NEDD4: variants seen among roughly 807,000 people sequenced by gnomAD.
The protein encoded by NEDD4 is E3 ubiquitin-protein ligase NEDD4.
A neutral mutation model predicts 144.9 loss-of-function variants in NEDD4; 99 were observed. The observed-to-expected ratio is 0.68, with a 90% CI of 0.58 to 0.81. The LOEUF (loss-of-function observed/expected upper bound fraction) is 0.81. NEDD4 is among the 30% of genes least tolerant of loss of function. The probability of loss-of-function intolerance (pLI) is 0.00; values close to 1 mark genes in which losing one functional copy is unlikely to be tolerated. For synonymous variants in NEDD4, 318 were observed against 350.6 expected (o/e 0.91, Z 1.04); for missense variants, 985 against 1,065.9 (o/e 0.92, Z 1.06).
chr15:55,967,763 A>G (rs1269157757), intron 1 of NEDD4, among the ~76,000 whole-genome samples: 1 of 151,992 alleles, frequency 6.6e-6, no homozygotes, highest in Non-Finnish European at 1.5e-5. Flanking sequence ...GCACACACCT[A>G]TTATCACAGC....
chr15:55,944,386 T>C (rs2037069124), intron 4 of NEDD4, among the ~76,000 whole-genome samples: 1 of 152,184 alleles, frequency 6.6e-6, no homozygotes, highest in Non-Finnish European at 1.5e-5. Context: ...TGCTCACTGC[T>C]AGCGCAGCAG....
intron 4 of NEDD4, among the ~76,000 whole-genome samples, chr15:55,946,001 G>T (rs1225299814): frequency 6.6e-6 from 1 of 151,956 alleles, no homozygotes; most frequent in African/African-American, 2.4e-5. Flanking sequence ...GCTCATGAAG[G>T]AAGCACTAAA....
chr15:55,921,117 C>G (rs1370789036), intron 5 of NEDD4, among the ~76,000 whole-genome samples: 3 of 152,016 alleles, frequency 2.0e-5, no homozygotes, highest in African/African-American at 7.2e-5. Context: ...AAGAATTTTC[C>G]AAGTATTTTC....
At chr15:55,984,645 T>C (rs2037860819) in intron 1 of NEDD4, among the ~76,000 whole-genome samples, 1 of 152,230 alleles carries the variant, frequency 6.6e-6, no homozygotes, top group South Asian at 2.1e-4. Flanking sequence ...CCATGAGTTA[T>C]AATAATGGGC....
At chr15:55,935,813 C>T (rs555147373) in intron 4 of NEDD4, among the ~76,000 whole-genome samples, 22 of 145,764 alleles carry the variant, frequency 1.5e-4, no homozygotes, top group African/African-American at 5.6e-4. Flanking sequence ...TGCCACTACA[C>T]TCCAGCCTGG....
At chr15:55,885,182 A>G (rs2035340699) in intron 5 of NEDD4, among the ~76,000 whole-genome samples, 1 of 152,330 alleles carries the variant, frequency 6.6e-6, no homozygotes, top group South Asian at 2.1e-4. Flanking sequence ...GTTTTACCCT[A>G]CAATAGTATA....
intron 13 of NEDD4, 109 bp downstream of exon 13, chr15:55,852,315 A>AT: frequency 8.4e-7 from 1 of 1,196,144 alleles, no homozygotes; most frequent in Non-Finnish European, 1.1e-6. Flanking sequence ...AAAAAAAAAA[A>AT]GAAGGTGGTA....
chr15:55,971,525 T>C (rs1022731216), intron 1 of NEDD4, among the ~76,000 whole-genome samples: 2 of 150,852 alleles, frequency 1.3e-5, no homozygotes, highest in African/African-American at 4.9e-5. Context: ...CTCAGGAGGC[T>C]GAGGCAGGAG....
intron 4 of NEDD4, among the ~76,000 whole-genome samples, chr15:55,939,268 C>G (rs2036951731): frequency 6.6e-6 from 1 of 152,084 alleles, no homozygotes; most frequent in Admixed American, 6.6e-5. Flanking sequence ...CCATGCTGTT[C>G]TCATGACAGT....
chr15:55,966,356 T>C (rs963652925), intron 2 of NEDD4, 117 bp downstream of exon 2: 7 of 626,848 alleles, frequency 1.1e-5, no homozygotes, highest in Non-Finnish European at 1.9e-5. Context: ...AATATTATTA[T>C]TATACTTTCC....
intron 4 of NEDD4, among the ~76,000 whole-genome samples, chr15:55,941,114 C>G (rs1686789214): frequency 6.6e-6 from 1 of 151,654 alleles, no homozygotes; most frequent in Non-Finnish European, 1.5e-5. Flanking sequence ...CATCTGAGTA[C>G]TCTCTCTGTC....
intron 5 of NEDD4, among the ~76,000 whole-genome samples, chr15:55,884,782 CA>C (rs1198621595): frequency 1.3e-5 from 2 of 151,894 alleles, no homozygotes; most frequent in African/African-American, 4.8e-5. Flanking sequence ...GAATAAAAAA[CA>C]ATGAAGCACA....
chr15:55,929,772 G>A (rs1397272892), intron 4 of NEDD4, among the ~76,000 whole-genome samples: 4 of 152,100 alleles, frequency 2.6e-5, no homozygotes, highest in Non-Finnish European at 5.9e-5. Flanking sequence ...TAGAAAAACT[G>A]TCCTCAAAGG....
chr15:55,979,508 C>T (rs867161413), intron 1 of NEDD4, among the ~76,000 whole-genome samples: 7 of 150,274 alleles, frequency 4.7e-5, no homozygotes, highest in Non-Finnish European at 8.9e-5. Flanking sequence ...CGCCCGCCAC[C>T]GCGCCCGGCT....
chr15:55,932,534 A>G (rs2036803057), intron 4 of NEDD4, among the ~76,000 whole-genome samples: 2 of 152,140 alleles, frequency 1.3e-5, no homozygotes, highest in South Asian at 4.1e-4. Context: ...TGGATTAAAG[A>G]CTTAAATGTT....
chr15:55,915,226 T>C (rs2036397553), intron 5 of NEDD4: 1 of 1,438,460 alleles, frequency 7.0e-7, no homozygotes, highest in Non-Finnish European at 9.3e-7. Flanking sequence ...GTTCTCCAAA[T>C]ATTTCATTAA....
rs117140196 is a variant in NEDD4 at position 55,986,213 on chromosome 15, G to A, written c.45+7298C>T. Among the ~76,000 whole-genome samples, 623 of 152,300 alleles carry A rather than the reference G, an allele frequency of 4.1e-3. 5 individuals carry two copies. Among genetic ancestry groups the A allele is most frequent in the Non-Finnish European group, 5.4e-3 (370 of 68,020 alleles). On this transcript the variant is annotated intron_variant, in intron 1 of 28. Coordinates refer to ENST00000435532, the MANE Select transcript of NEDD4 (RefSeq NM_006154.4). ...GAGATGGAAATAAAACAAAATAGTG[G>A]TGTTTGGTTCAGATAGAATTCATCA...
chr15:55,983,235 A>G (rs1000162739), intron 1 of NEDD4, among the ~76,000 whole-genome samples: 25 of 152,034 alleles, frequency 1.6e-4, no homozygotes, highest in African/African-American at 5.8e-4. Context: ...TGTTAAGCAT[A>G]TGAGGAACAA....
chr15:55,877,931 T>G (rs1181085491), intron 5 of NEDD4, among the ~76,000 whole-genome samples: 1 of 152,178 alleles, frequency 6.6e-6, no homozygotes, highest in Non-Finnish European at 1.5e-5. Context: ...TTCTCAATTT[T>G]TTTGTGTACT....
Sources: allele counts gnomAD v4.1 joint callset (sites outside exome capture counted in the v4.1 genomes callset), GRCh38; gene constraint gnomAD v4.1.1; transcripts MANE v1.5; gene names NCBI Gene and HGNC (gene_info 2026-07-23, HGNC 2026-07-21).